Variants in ATF7IP observed in about 807,000 individuals in gnomAD.
ATF7IP encodes the protein activating transcription factor 7 interacting protein.
ATF7IP carries 23 observed loss-of-function variants against 106.4 expected under a neutral mutation model. The ratio of observed to expected loss-of-function variants is 0.22; its 90% CI spans 0.16 to 0.31. The LOEUF is 0.31. Among genes scored for constraint, ATF7IP ranks in the 10% least tolerant of loss-of-function variants. ATF7IP has a pLI of 1.00. For missense variants in ATF7IP, 1,334 were observed against 1,524.3 expected, an observed-to-expected ratio of 0.88 and a Z score of 2.08; for synonymous variants, 542 against 539.0, an observed-to-expected ratio of 1.01 and a Z score of -0.08.
At chr12:14,438,364 A>C (rs1214386669) in intron 5 of ATF7IP, 97 bp downstream of exon 5, 16 of 1,144,720 alleles carry the variant, frequency 1.4e-5, no homozygotes, top group Non-Finnish European at 1.8e-5. Flanking sequence ...AAATACATTT[A>C]AATTCTAAAT....
Position 14,480,997 on chromosome 12 carries a change from C to CAT in ATF7IP, c.3098-5_3098-4dup, listed in dbSNP as rs1944410436. ...ATTCTTAATATCTTTTTCTGCCTTG[C>CAT]ATTAGCTCCAACTACCGTGAATGTA... On this transcript the variant is annotated splice_region_variant and splice_polypyrimidine_tract_variant and intron_variant, in intron 12 of 14. Transcript: ENST00000261168. The CAT allele has an allele frequency of 6.2e-7, 1 of 1,612,822 alleles. No homozygotes were observed. Among genetic ancestry groups the CAT allele is most frequent in the Non-Finnish European group, 8.5e-7 (1 of 1,179,482 alleles).
intron 11 of ATF7IP, among the ~76,000 whole-genome samples, chr12:14,476,806 G>A (rs1474250894): frequency 2.0e-5 from 3 of 151,984 alleles, no homozygotes; most frequent in Non-Finnish European, 4.4e-5. Context: ...TTCTAAAAAC[G>A]TTCACATCCA....
Position 14,428,817 on chromosome 12 carries a change from CTATTTTAATTT to C in ATF7IP, c.1558+3347_1558+3357del, listed in dbSNP as rs536209733. On this transcript the variant is annotated intron_variant, in intron 2 of 14. Transcript: ENST00000261168. The stretch of plus-strand genomic sequence containing the variant: ...ATGAAAGATAAAGCAAATAGAAAAG[CTATTTTAATTT>C]TACAAAAGTAGAAGAAAGAACTAAA... Among the ~76,000 whole-genome samples the C allele has an allele frequency of 5.9e-5, 9 of 152,122 alleles. No homozygotes were observed. The East Asian group carries it at 1.7e-3, about 29-fold the overall frequency.
In ATF7IP at chr12:14,457,202, C is replaced by T; in HGVS notation, c.2070-5C>T. On this transcript the variant is annotated splice_polypyrimidine_tract_variant and splice_region_variant and intron_variant, in intron 7 of 14. Coordinates refer to ENST00000261168, the MANE Select transcript of ATF7IP (RefSeq NM_018179.5). ...TGACTATTGGTGTGTATATGTATTT[C>T]ATAGAAATGCAGGCACAGTGAGACA... The T allele has an allele frequency of 6.2e-7, 1 of 1,609,462 alleles. No individual in the cohort carries two copies. Among genetic ancestry groups the T allele is most frequent in the East Asian group, 2.2e-5 (1 of 44,822 alleles).
intron 1 of ATF7IP, among the ~76,000 whole-genome samples, chr12:14,371,473 T>A (rs1938530592): frequency 6.6e-6 from 1 of 152,088 alleles, no homozygotes; most frequent in South Asian, 2.1e-4. Context: ...CTTTTTCTAG[T>A]TCTGGTTTAT....
chr12:14,366,058 G>T (rs757974611), intron 1 of ATF7IP, among the ~76,000 whole-genome samples: 1 of 152,238 alleles, frequency 6.6e-6, no homozygotes, highest in Non-Finnish European at 1.5e-5. Flanking sequence ...TCATTTTCAA[G>T]ATCTAATGTT....
chr12:14,439,126 G>A (rs1052006040), intron 5 of ATF7IP, among the ~76,000 whole-genome samples: 11 of 152,146 alleles, frequency 7.2e-5, no homozygotes, highest in Non-Finnish European at 1.2e-4. Context: ...TGAGCACACA[G>A]TAGTGTGCTG....
intron 10 of ATF7IP, among the ~76,000 whole-genome samples, chr12:14,468,078 C>A (rs1383451457): frequency 6.6e-6 from 1 of 151,460 alleles, no homozygotes; most frequent in Non-Finnish European, 1.5e-5. Flanking sequence ...ACCAGCCTGG[C>A]CAACATGGGG....
chr12:14,426,076 C>T (rs1941833246), intron 2 of ATF7IP, among the ~76,000 whole-genome samples: 1 of 152,092 alleles, frequency 6.6e-6, no homozygotes, highest in African/African-American at 2.4e-5. Context: ...TCCCTGTAAC[C>T]CAATTCTCTT....
chr12:14,487,459 C>T (rs1336187598), intron 13 of ATF7IP, among the ~76,000 whole-genome samples: 1 of 152,184 alleles, frequency 6.6e-6, no homozygotes, highest in Non-Finnish European at 1.5e-5. Context: ...TGGCAACTGC[C>T]TCAGAGGAGG....
rs146760696 is a variant in ATF7IP at position 14,380,135 on chromosome 12, A to G, written c.-8+14308A>G. Among the ~76,000 whole-genome samples, 48 of 151,900 alleles carry G rather than the reference A, an allele frequency of 3.2e-4. No homozygotes were observed. The East Asian group carries it at 7.0e-3, about 22-fold the overall frequency. On this transcript the variant is annotated intron_variant, in intron 1 of 14. Transcript: ENST00000261168. ...CCTATTGAGTTTTTCATTTTTTTCT[A>G]TCATGTTCTTAATTTTCATTCCTTT... is the stretch of plus-strand genomic sequence containing the variant.
intron 1 of ATF7IP, among the ~76,000 whole-genome samples, chr12:14,389,704 C>T (rs1418178001): frequency 3.3e-5 from 5 of 151,962 alleles, no homozygotes; most frequent in African/African-American, 9.7e-5. Flanking sequence ...CTCGGCTCAC[C>T]GCAACCTCTG....
chr12:14,446,971 T>C lies in ATF7IP; in HGVS notation c.1930-17T>C. The stretch of plus-strand genomic sequence containing the variant: ...TATTTGATTTCCATTCATTTTTGTC[T>C]TTTTTTTTTTTTTCAGGCCAAGATA... On this transcript the variant is annotated splice_polypyrimidine_tract_variant and intron_variant, in intron 5 of 14. Coordinates refer to ENST00000261168, the MANE Select transcript of ATF7IP (RefSeq NM_018179.5). 1.3e-6 allele frequency: 1 copy of C among 775,706 alleles called. No individual in the cohort carries two copies. Among genetic ancestry groups the C allele is most frequent in the Non-Finnish European group, 1.6e-6 (1 of 609,226 alleles). 48.1% of individuals were successfully genotyped at this position (775,706 alleles called of 1,614,324 possible).
At position 14,424,199 on chromosome 12, in the gene ATF7IP, T is replaced by G. The variant is rs1431697292; in HGVS notation, c.284T>G (p.Leu95Arg). ...GAATGGAAGGAAACACCCTGTATCC[T>G]AAGTGTTAATGTAAAAAACAAGCAG... ...KAEWKETPCI[L>R]SVNVKNKQDD... Residue 95 changes from leucine to arginine, a missense_variant, in exon 2 of 15, where the codon CTA becomes CGA. By Grantham distance (102) the Leu-to-Arg change is moderately radical (BLOSUM62 -2). Around this residue, in one of 10 missense-constraint regions of ATF7IP, gnomAD observed 438 missense variants for 405.3 expected, o/e 1.08. Coordinates refer to ENST00000261168, the MANE Select transcript of ATF7IP (RefSeq NM_018179.5). 2.0e-5 allele frequency: 32 copies of G among 1,614,180 alleles called. No homozygotes were observed. The highest frequency in any genetic ancestry group is 2.6e-5 in the Non-Finnish European group (31 of 1,180,022).
intron 1 of ATF7IP, among the ~76,000 whole-genome samples, chr12:14,385,944 C>T (rs1939218158): frequency 6.6e-6 from 1 of 151,970 alleles, no homozygotes; most frequent in African/African-American, 2.4e-5. Flanking sequence ...ATCATGCTGC[C>T]TCCTCCCAGT....
chr12:14,383,100 G>A (rs1939064542), intron 1 of ATF7IP, among the ~76,000 whole-genome samples: 1 of 152,194 alleles, frequency 6.6e-6, no homozygotes, highest in South Asian at 2.1e-4. Flanking sequence ...GATGGATAAA[G>A]CTCTGTCAGC....
intron 1 of ATF7IP, among the ~76,000 whole-genome samples, chr12:14,395,957 T>C (rs958945953): frequency 6.6e-6 from 1 of 152,210 alleles, no homozygotes; most frequent in Non-Finnish European, 1.5e-5. Context: ...GCATGAAATA[T>C]TGTATACAAA....
rs1945162512 is a variant in ATF7IP at position 14,501,660 on chromosome 12, A to G, written c.*3587A>G. The G allele has an allele frequency of 6.6e-6, 1 of 152,168 alleles. No individual in the cohort carries two copies. Among genetic ancestry groups the G allele is most frequent in the Non-Finnish European group, 1.5e-5 (1 of 68,016 alleles). 9.4% of individuals were successfully genotyped at this position (152,168 alleles called of 1,614,324 possible). A position where few individuals can be genotyped will look rare whatever the true frequency, so the allele number is the denominator to read the frequency against. On this transcript the variant is annotated 3_prime_UTR_variant, in exon 15 of 15. Coordinates refer to ENST00000261168, the MANE Select transcript of ATF7IP (RefSeq NM_018179.5). Reference sequence around the variant, plus strand: ...CCTTGAAAAGTCGGTATTTGTTGAGATACCATTTGCCTCACAGAGAGGTGT... The same window carrying G: ...CCTTGAAAAGTCGGTATTTGTTGAGGTACCATTTGCCTCACAGAGAGGTGT...
At chr12:14,448,010 T>G (rs947930998) in intron 6 of ATF7IP, among the ~76,000 whole-genome samples, 1 of 152,160 alleles carries the variant, frequency 6.6e-6, no homozygotes, top group African/African-American at 2.4e-5. Flanking sequence ...TATAGTACTT[T>G]GTATATTGCA....
Sources: allele counts gnomAD v4.1 joint callset (sites outside exome capture counted in the v4.1 genomes callset), GRCh38; gene constraint gnomAD v4.1.1; regional missense constraint gnomAD v4.1.1; transcripts MANE v1.5; gene names NCBI Gene and HGNC (gene_info 2026-07-23, HGNC 2026-07-21).